KIAA0930: variants seen among roughly 807,000 people sequenced by gnomAD.
The protein encoded by KIAA0930 is uncharacterized protein KIAA0930.
A neutral mutation model predicts 43.9 loss-of-function variants in KIAA0930; 24 were observed. The observed-to-expected ratio is 0.55, with a 90% CI of 0.40 to 0.77. The LOEUF (loss-of-function observed/expected upper bound fraction) is 0.77, where lower values mean the gene tolerates loss of function less well. Ranked by LOEUF, KIAA0930 falls within the 30% of genes least tolerant of loss-of-function variation. KIAA0930 has a pLI of 0.00. For synonymous variants in KIAA0930, 259 were observed against 216.4 expected (o/e 1.20, Z -1.73); for missense variants, 461 against 574.2 (o/e 0.80, Z 2.02).
chr22:45,198,592 A>G (rs375291139), intron 8 of KIAA0930, among the ~76,000 whole-genome samples: 4 of 152,138 alleles, frequency 2.6e-5, no homozygotes, highest in African/African-American at 9.7e-5. Context: ...TCAATGCTGC[A>G]GCCCTGCTCC....
chr22:45,230,580 CTT>C (rs796595254), intron 1 of KIAA0930, among the ~76,000 whole-genome samples: 3,000 of 128,566 alleles, frequency 0.023, 68 homozygotes, highest in African/African-American at 0.078. Flanking sequence ...AGATCACATT[CTT>C]TTTTTTTTTT....
At chr22:45,219,112 G>C (rs564095459) in intron 1 of KIAA0930, among the ~76,000 whole-genome samples, 2 of 152,350 alleles carry the variant, frequency 1.3e-5, no homozygotes, top group Non-Finnish European at 2.9e-5. Context: ...AAGACTGTCA[G>C]ATTGGAGTTC....
At chr22:45,234,416 C>G (rs1035588612) in intron 1 of KIAA0930, among the ~76,000 whole-genome samples, 1 of 152,246 alleles carries the variant, frequency 6.6e-6, no homozygotes, top group Non-Finnish European at 1.5e-5. Context: ...AAAGTCTAGT[C>G]TGAGGCTGGA....
At chr22:45,236,648 G>A (rs756090519) in intron 1 of KIAA0930, among the ~76,000 whole-genome samples, 3 of 152,128 alleles carry the variant, frequency 2.0e-5, no homozygotes, top group Admixed American at 6.5e-5. Flanking sequence ...TCACCTCTGC[G>A]CAGGGTTAAG....
intron 1 of KIAA0930, chr22:45,226,093 G>A: frequency 2.7e-6 from 1 of 372,078 alleles, no homozygotes; most frequent in Non-Finnish European, 5.6e-6. Flanking sequence ...AGAAACACAG[G>A]ACGTGCCGAG....
chr22:45,216,496 C>T (rs775716433), intron 1 of KIAA0930, among the ~76,000 whole-genome samples: 1 of 152,128 alleles, frequency 6.6e-6, no homozygotes, highest in South Asian at 2.1e-4. Flanking sequence ...TCAGTGGATC[C>T]CAAACCTTCC....
chr22:45,238,835 AT>A (rs1368732381), intron 1 of KIAA0930, among the ~76,000 whole-genome samples: 6 of 150,896 alleles, frequency 4.0e-5, no homozygotes, highest in Admixed American at 2.0e-4. Context: ...AGTCCCGGCT[AT>A]GCTGCTATGC....
At chr22:45,229,871 A>AACACC (rs1368531153) in intron 1 of KIAA0930, among the ~76,000 whole-genome samples, 5 of 152,226 alleles carry the variant, frequency 3.3e-5, no homozygotes, top group Non-Finnish European at 5.9e-5. Context: ...AGGCGGGTGG[A>AACACC]TCACCTGAGG....
At chr22:45,238,978 T>C (rs563776426) in intron 1 of KIAA0930, among the ~76,000 whole-genome samples, 7 of 152,208 alleles carry the variant, frequency 4.6e-5, no homozygotes, top group East Asian at 1.9e-4. Flanking sequence ...AGGATTAAAT[T>C]TGCAGCATGA....
At chr22:45,212,654 G>A (rs915379507) in intron 1 of KIAA0930, among the ~76,000 whole-genome samples, 3 of 152,196 alleles carry the variant, frequency 2.0e-5, no homozygotes, top group Admixed American at 6.5e-5. Flanking sequence ...CCTGCCCCAC[G>A]TCTGCGCAGC....
At position 45,219,579 on chromosome 22, in the gene KIAA0930, ATTGT is replaced by A. The variant is rs1284579620; in HGVS notation, c.65-7476_65-7473del. Among the ~76,000 whole-genome samples the A allele has an allele frequency of 2.9e-4, 31 of 107,496 alleles. 1 individual carries two copies. The South Asian group carries it at 7.0e-3, about 24-fold the overall frequency. The allele number at this position is 107,496 out of a possible 152,430, so 70.5% of individuals were successfully genotyped here. On this transcript the variant is annotated intron_variant, in intron 1 of 9. Coordinates refer to ENST00000336156, the MANE Select transcript of KIAA0930 (RefSeq NM_001009880.2). ...CATTAACACAGCAGGCCAAGAGGTGATTGTTTTTTTTTTTTTTTTTTTTTTTTTT... is the reference window on the plus strand; with the variant it reads ...CATTAACACAGCAGGCCAAGAGGTGATTTTTTTTTTTTTTTTTTTTTTTTT...
At chr22:45,239,477 G>A (rs2083904646) in intron 1 of KIAA0930, among the ~76,000 whole-genome samples, 1 of 152,186 alleles carries the variant, frequency 6.6e-6, no homozygotes, top group African/African-American at 2.4e-5. Context: ...GCTCGCCTGG[G>A]CAGGCTAGGC....
At chr22:45,239,806 C>T (rs909438889) in intron 1 of KIAA0930, among the ~76,000 whole-genome samples, 3 of 152,156 alleles carry the variant, frequency 2.0e-5, no homozygotes, top group Non-Finnish European at 1.5e-5. Flanking sequence ...GGTATGAAGT[C>T]ATTCCCTGCA....
At chr22:45,219,408 C>T (rs188755593) in intron 1 of KIAA0930, among the ~76,000 whole-genome samples, 285 of 152,226 alleles carry the variant, frequency 1.9e-3, no homozygotes, top group African/African-American at 5.3e-3. Context: ...AAACCCACCC[C>T]AATCCTTTTT....
intron 2 of KIAA0930, chr22:45,211,520 G>C: frequency 2.3e-6 from 1 of 444,240 alleles, no homozygotes; most frequent in Non-Finnish European, 3.9e-6. Flanking sequence ...ACTGTGTCTA[G>C]ATGATGGCGA....
chr22:45,201,809 A>G (rs963265241), intron 7 of KIAA0930, among the ~76,000 whole-genome samples: 8 of 152,236 alleles, frequency 5.3e-5, no homozygotes, highest in African/African-American at 1.4e-4. Flanking sequence ...GGAGATATGC[A>G]TGATTCAGAT....
At position 45,228,676 on chromosome 22, in the gene KIAA0930, C is replaced by A. The variant is rs541431883; in HGVS notation, c.64+11964G>T. On this transcript the variant is annotated intron_variant, in intron 1 of 9. Transcript: ENST00000336156. ...TCCCCAACAAATGATCACCTCTTCA[C>A]CGGAAAGATCCCTCTCCACCCCCCC... Among the ~76,000 whole-genome samples the A allele has an allele frequency of 3.1e-3, 469 of 151,924 alleles. 6 individuals are homozygous for A. The highest frequency in any genetic ancestry group is 0.01 in the African/African-American group (433 of 41,400).
In KIAA0930 at chr22:45,227,914, T is replaced by G. The variant is rs372916540; in HGVS notation, c.64+12726A>C. On this transcript the variant is annotated intron_variant, in intron 1 of 9. Transcript: ENST00000336156. Reference sequence around the variant, plus strand: ...CAGCAGCTAACGAGCTCCCACTGTGTGCGGGGGCAGCTCCCTCCTCCCTGG... The same window carrying G: ...CAGCAGCTAACGAGCTCCCACTGTGGGCGGGGGCAGCTCCCTCCTCCCTGG... Among the ~76,000 whole-genome samples, 3 of 152,162 alleles carry G rather than the reference T, an allele frequency of 2.0e-5. No individual in the cohort carries two copies. The South Asian group carries it at 6.2e-4, about 31-fold the overall frequency.
chr22:45,226,757 C>A (rs2083804018), intron 1 of KIAA0930: 3 of 158,730 alleles, frequency 1.9e-5, no homozygotes, highest in Non-Finnish European at 2.8e-5. Flanking sequence ...TGAGTAATTT[C>A]TCAAGCTTCT....
Sources: gnomAD v4.1 joint callset for allele counts (sites outside exome capture counted in the v4.1 genomes callset) on GRCh38, gnomAD v4.1.1 for gene constraint, MANE v1.5 for transcripts, NCBI Gene and HGNC (gene_info 2026-07-23, HGNC 2026-07-21) for gene names.